The following ADCY2 variants were observed in gnomAD, a reference collection of about 807,000 sequenced individuals.
ADCY2 encodes the protein adenylate cyclase type 2.
Under a neutral mutation model 125.2 loss-of-function variants are expected in ADCY2, and 31 were observed. The ratio of observed to expected loss-of-function variants is 0.25; its 90% CI spans 0.19 to 0.33. ADCY2 has a LOEUF of 0.33. Among genes scored for constraint, ADCY2 ranks in the 10% least tolerant of loss-of-function variants. ADCY2 has a pLI of 1.00. For synonymous variants in ADCY2, 512 were observed against 548.4 expected (o/e 0.93, Z 0.93); for missense variants, 904 against 1,418.2 (o/e 0.64, Z 5.82).
chr5:7,487,477 T>A (rs375260200), intron 2 of ADCY2, among the ~76,000 whole-genome samples: 13 of 152,240 alleles, frequency 8.5e-5, no homozygotes, highest in African/African-American at 2.9e-4. Context: ...CTCCTCTTCC[T>A]GTCTAGAAGC....
chr5:7,773,032 G>A lies in ADCY2; in HGVS notation c.2315G>A (p.Gly772Asp), dbSNP rs1743603163. ...KMLIMMVALV[G>D]YNTILLHTHA... ...TTGATCATGATGGTGGCCTTGGTGG[G>A]CTACAACACCATCCTACTCCACACC... Residue 772 changes from glycine (G) to aspartate (D), a missense_variant, in exon 18 of 25, where the codon GGC (glycine) becomes GAC (aspartate). Physicochemically the swap from Gly to Asp is moderately conservative, Grantham distance 94. Coordinates refer to ENST00000338316, the MANE Select transcript of ADCY2 (RefSeq NM_020546.3). 1.2e-6 allele frequency: 2 copies of A among 1,613,994 alleles called. No individual in the cohort carries two copies. The highest frequency in any genetic ancestry group is 1.7e-6 in the Non-Finnish European group (2 of 1,180,022).
At chr5:7,760,607 C>T (rs978422947) in intron 16 of ADCY2, among the ~76,000 whole-genome samples, 4 of 152,166 alleles carry the variant, frequency 2.6e-5, no homozygotes, top group African/African-American at 7.2e-5. Context: ...TATACACACA[C>T]GTAAGAGTGA....
intron 4 of ADCY2, among the ~76,000 whole-genome samples, chr5:7,659,746 AGG>A (rs1255704268): frequency 1.3e-5 from 2 of 152,224 alleles, no homozygotes; most frequent in Non-Finnish European, 2.9e-5. Context: ...AGAGATTCCT[AGG>A]AGTAGTTGGA....
chr5:7,821,028 C>T (rs184500680), intron 24 of ADCY2, among the ~76,000 whole-genome samples: 6 of 152,230 alleles, frequency 3.9e-5, no homozygotes, highest in African/African-American at 9.6e-5. Flanking sequence ...ACTTTGCAAA[C>T]GAGAGGGATC....
chr5:7,405,150 A>C (rs1403383574), intron 1 of ADCY2, among the ~76,000 whole-genome samples: 2 of 152,132 alleles, frequency 1.3e-5, no homozygotes, highest in African/African-American at 2.4e-5. Flanking sequence ...TCAAGCATAC[A>C]TGGGATGAAA....
intron 4 of ADCY2, among the ~76,000 whole-genome samples, chr5:7,676,525 AAT>A (rs869050327): frequency 5.0e-4 from 61 of 121,914 alleles, no homozygotes; most frequent in East Asian, 2.4e-3. Flanking sequence ...TTAAAAAAAA[AAT>A]ACTTTCTGAG....
chr5:7,658,884 G>A (rs1033993600), intron 4 of ADCY2, among the ~76,000 whole-genome samples: 3 of 151,752 alleles, frequency 2.0e-5, no homozygotes, highest in African/African-American at 4.8e-5. Context: ...CTTTTTTTTC[G>A]AAGGCCTTGA....
At chr5:7,719,495 C>A (rs1020951131) in intron 12 of ADCY2, among the ~76,000 whole-genome samples, 7 of 152,198 alleles carry the variant, frequency 4.6e-5, no homozygotes, top group African/African-American at 1.7e-4. Context: ...GAGGACTCAA[C>A]TGGGGCTCCA....
chr5:7,794,301 C>T (rs1455791606), intron 20 of ADCY2: 1 of 152,170 alleles, frequency 6.6e-6, no homozygotes, highest in Admixed American at 6.6e-5. Flanking sequence ...GATGGCTACT[C>T]TAGCAGCCAT....
At chr5:7,814,022 C>CAA (rs202099109) in intron 22 of ADCY2, among the ~76,000 whole-genome samples, 70 of 132,958 alleles carry the variant, frequency 5.3e-4, no homozygotes, top group Admixed American at 1.6e-3. Context: ...AGTCGTGAGA[C>CAA]AAAAAAAAAA....
intron 3 of ADCY2, among the ~76,000 whole-genome samples, chr5:7,538,850 C>A (rs1299355115): frequency 7.3e-6 from 1 of 136,308 alleles, no homozygotes; most frequent in Non-Finnish European, 1.6e-5. Context: ...TTCTTTTTTT[C>A]TTTTCTTTTC....
chr5:7,568,620 C>T (rs1027731174), intron 3 of ADCY2, among the ~76,000 whole-genome samples: 1 of 152,056 alleles, frequency 6.6e-6, no homozygotes, highest in African/African-American at 2.4e-5. Context: ...GGTTTCACAC[C>T]AGATAGGCTG....
Position 7,421,490 on chromosome 5 carries a change from A to G in ADCY2, c.408+6720A>G, listed in dbSNP as rs555185071. Reference sequence around the variant, plus strand: ...TTCTCCTCTTCTTATAGTGACACCAATCATATTGGATTACAACCACCCTAA... The same window carrying G: ...TTCTCCTCTTCTTATAGTGACACCAGTCATATTGGATTACAACCACCCTAA... On this transcript the variant is annotated intron_variant, in intron 2 of 24. Coordinates refer to ENST00000338316, the MANE Select transcript of ADCY2 (RefSeq NM_020546.3). Among the ~76,000 whole-genome samples, 9 of 152,300 alleles carry G rather than the reference A, an allele frequency of 5.9e-5. 1 individual carries two copies. The South Asian group carries it at 1.0e-3, about 18-fold the overall frequency.
At chr5:7,758,469 C>A (rs554936478) in intron 16 of ADCY2, among the ~76,000 whole-genome samples, 1 of 152,226 alleles carries the variant, frequency 6.6e-6, no homozygotes, top group African/African-American at 2.4e-5. Flanking sequence ...TTCCAGGGAC[C>A]CAAAGCCAGG....
chr5:7,472,233 T>C (rs1388985004), intron 2 of ADCY2, among the ~76,000 whole-genome samples: 1 of 152,288 alleles, frequency 6.6e-6, no homozygotes. Flanking sequence ...CTTTTCCTTG[T>C]GCTCACATAA....
At chr5:7,587,354 A>G (rs181710010) in intron 3 of ADCY2, among the ~76,000 whole-genome samples, 125 of 152,254 alleles carry the variant, frequency 8.2e-4, no homozygotes, top group Middle Eastern at 3.4e-3. Flanking sequence ...TGATCTATTT[A>G]TGTGGCATCT....
rs1050937149 is a variant in ADCY2, at chr5:7,669,770, A to C, written c.721-20921A>C. ...CAGGTCAAAAGCCACTGCTGCCGGCAATGGGGAACCACTGAAGAGTTTAAA... is the reference window on the plus strand; with the variant it reads ...CAGGTCAAAAGCCACTGCTGCCGGCCATGGGGAACCACTGAAGAGTTTAAA... On this transcript the variant is annotated intron_variant, in intron 4 of 24. Coordinates refer to ENST00000338316, the MANE Select transcript of ADCY2 (RefSeq NM_020546.3). Among the ~76,000 whole-genome samples, 3 of 152,298 alleles carry C rather than the reference A, an allele frequency of 2.0e-5. No individual in the cohort carries two copies. In the Middle Eastern group the frequency reaches 0.01, roughly 518 times the overall value.
chr5:7,651,271 A>G (rs568745503), intron 4 of ADCY2, among the ~76,000 whole-genome samples: 1 of 152,338 alleles, frequency 6.6e-6, no homozygotes, highest in East Asian at 1.9e-4. Context: ...CTAGAAGGAC[A>G]GAACTAATAG....
intron 17 of ADCY2, among the ~76,000 whole-genome samples, chr5:7,771,017 A>G (rs1212300971): frequency 3.3e-5 from 5 of 152,204 alleles, no homozygotes; most frequent in African/African-American, 1.2e-4. Flanking sequence ...CACATTCTGT[A>G]CCTGTCTTGC....
Sources: allele counts gnomAD v4.1 joint callset (sites outside exome capture counted in the v4.1 genomes callset), GRCh38; gene constraint gnomAD v4.1.1; transcripts MANE v1.5; gene names NCBI Gene and HGNC (gene_info 2026-07-23, HGNC 2026-07-21).